Variants in UBAC2 observed in about 807,000 individuals in gnomAD.
UBAC2 encodes ubiquitin-associated domain-containing protein 2.
In UBAC2, 26 loss-of-function variants were observed where a neutral mutation model predicts 44.0. That is an observed-to-expected ratio of 0.59 (90% CI 0.43 to 0.82). The LOEUF is 0.82. Among genes scored for constraint, UBAC2 ranks in the 40% least tolerant of loss-of-function variants. The probability of loss-of-function intolerance (pLI) is 0.00; values close to 1 mark genes in which losing one functional copy is unlikely to be tolerated. For missense variants in UBAC2, 329 were observed against 419.4 expected (o/e 0.78, Z 1.88); for synonymous variants, 155 against 154.3 (o/e 1.00, Z -0.04).
At chr13:99,220,333 C>A (rs187727860) in intron 1 of UBAC2, among the ~76,000 whole-genome samples, 1 of 152,114 alleles carries the variant, frequency 6.6e-6, no homozygotes. Flanking sequence ...ATAATTAATT[C>A]GTGCTTCAGG....
chr13:99,273,417 G>A (rs562978695), intron 4 of UBAC2, among the ~76,000 whole-genome samples: 3 of 152,164 alleles, frequency 2.0e-5, no homozygotes, highest in African/African-American at 7.2e-5. Flanking sequence ...GGTTCCAGAG[G>A]TGTCTTGGCT....
chr13:99,258,927 G>T (rs1167439094), intron 4 of UBAC2, among the ~76,000 whole-genome samples: 1 of 152,118 alleles, frequency 6.6e-6, no homozygotes, highest in East Asian at 1.9e-4. Context: ...TAGGATCCTT[G>T]ATTAATTGCT....
intron 4 of UBAC2, among the ~76,000 whole-genome samples, chr13:99,260,558 G>C (rs981784048): frequency 6.6e-6 from 1 of 152,186 alleles, no homozygotes. Context: ...ATTGACCCCC[G>C]TTCGCTGTGC....
intron 4 of UBAC2, among the ~76,000 whole-genome samples, chr13:99,268,466 G>A (rs2043771710): frequency 6.6e-6 from 1 of 151,926 alleles, no homozygotes; most frequent in Admixed American, 6.6e-5. Context: ...AAATTAGCCA[G>A]GCGTGGTGGC....
intron 4 of UBAC2, among the ~76,000 whole-genome samples, chr13:99,302,459 G>T (rs1566493192): frequency 6.6e-6 from 1 of 152,220 alleles, no homozygotes; most frequent in Middle Eastern, 3.2e-3. Context: ...AGGGAAGAAA[G>T]AAATCATTCA....
chr13:99,368,040 A>T (rs1213931917), intron 8 of UBAC2, 134 bp downstream of exon 8: 2 of 1,135,800 alleles, frequency 1.8e-6, no homozygotes, highest in Middle Eastern at 2.9e-4. Context: ...TGCCACCATG[A>T]TAGAGACTTT....
chr13:99,250,434 C>G (rs2043443707), intron 4 of UBAC2, among the ~76,000 whole-genome samples: 1 of 152,108 alleles, frequency 6.6e-6, no homozygotes, highest in African/African-American at 2.4e-5. Flanking sequence ...TGTTTTTGTA[C>G]CAGTACCATG....
chr13:99,257,424 C>G (rs7322759), intron 4 of UBAC2, among the ~76,000 whole-genome samples: 21,749 of 151,856 alleles, frequency 0.14, 1,795 homozygotes, highest in East Asian at 0.32. Flanking sequence ...TTCACCTATC[C>G]TCATCCTTCA....
At chr13:99,315,766 A>T (rs1197664687) in intron 5 of UBAC2, among the ~76,000 whole-genome samples, 4 of 152,140 alleles carry the variant, frequency 2.6e-5, no homozygotes, top group Admixed American at 2.6e-4. Flanking sequence ...ATATCTCTAT[A>T]GCTACCACTA....
At chr13:99,320,573 C>T (rs1222677125) in intron 6 of UBAC2, among the ~76,000 whole-genome samples, 2 of 152,012 alleles carry the variant, frequency 1.3e-5, no homozygotes, top group Non-Finnish European at 2.9e-5. Context: ...ACTATTTTAC[C>T]ATAATTAGAT....
At chr13:99,359,665 T>C (rs1346712812) in intron 7 of UBAC2, among the ~76,000 whole-genome samples, 1 of 152,230 alleles carries the variant, frequency 6.6e-6, no homozygotes, top group Non-Finnish European at 1.5e-5. Flanking sequence ...CAGTTTTGGC[T>C]TTTCCTGTGG....
At chr13:99,345,113 C>T (rs1310909447) in intron 7 of UBAC2, among the ~76,000 whole-genome samples, 1 of 152,016 alleles carries the variant, frequency 6.6e-6, no homozygotes, top group Non-Finnish European at 1.5e-5. Context: ...AGAGGACCAG[C>T]AAGAGTGAGG....
intron 6 of UBAC2, among the ~76,000 whole-genome samples, chr13:99,338,681 C>T (rs982197749): frequency 1.3e-5 from 2 of 152,100 alleles, no homozygotes; most frequent in Non-Finnish European, 2.9e-5. Context: ...TATTTGAAAC[C>T]AGAAGTTGTC....
intron 4 of UBAC2, among the ~76,000 whole-genome samples, chr13:99,272,071 C>G (rs73565997): frequency 2.0e-3 from 307 of 152,274 alleles, no homozygotes; most frequent in African/African-American, 7.1e-3. Context: ...AGTCTTCTCT[C>G]TAAAAGACAG....
intron 4 of UBAC2, among the ~76,000 whole-genome samples, chr13:99,253,383 C>T (rs1048662840): frequency 2.4e-4 from 36 of 152,102 alleles, no homozygotes; most frequent in African/African-American, 7.9e-4. Flanking sequence ...TTTTATATTT[C>T]GAACAGAAGA....
In UBAC2 at chr13:99,294,148, T is replaced by G. The variant is rs532457642; in HGVS notation, c.390-19949T>G. ...AGCAAGCAGCAGCTATATTTTTCAC[T>G]GCTCATCATGCACCACCCTTCTCCT... On this transcript the variant is annotated intron_variant, in intron 4 of 8. Coordinates refer to ENST00000403766, the MANE Select transcript of UBAC2 (RefSeq NM_001144072.2). Among the ~76,000 whole-genome samples, 3 of 152,262 alleles carry G rather than the reference T, an allele frequency of 2.0e-5. No homozygotes were observed. The East Asian group carries it at 5.8e-4, about 29-fold the overall frequency.
intron 6 of UBAC2, among the ~76,000 whole-genome samples, chr13:99,335,157 A>G (rs1416865475): frequency 6.6e-6 from 1 of 152,222 alleles, no homozygotes; most frequent in Admixed American, 6.5e-5. Flanking sequence ...ATCAACAATC[A>G]CAGTTGAATA....
At chr13:99,207,151 T>C (rs1363761358) in intron 1 of UBAC2, among the ~76,000 whole-genome samples, 1 of 152,260 alleles carries the variant, frequency 6.6e-6, no homozygotes, top group Non-Finnish European at 1.5e-5. Flanking sequence ...TGGGAGTCTT[T>C]ACCTGCTGCT....
At chr13:99,207,914 ACTGACATT>A (rs1566446419) in intron 1 of UBAC2, among the ~76,000 whole-genome samples, 1 of 151,606 alleles carries the variant, frequency 6.6e-6, no homozygotes, top group African/African-American at 2.4e-5. Flanking sequence ...CCGTGTTCCT[ACTGACATT>A]CTTTCTTAAG....
Sources: allele counts gnomAD v4.1 joint callset (sites outside exome capture counted in the v4.1 genomes callset), GRCh38; gene constraint gnomAD v4.1.1; transcripts MANE v1.5; gene names NCBI Gene and HGNC (gene_info 2026-07-23, HGNC 2026-07-21).